The following NCAM1 variants were observed in gnomAD, a reference collection of about 807,000 sequenced individuals.
NCAM1 encodes the protein neural cell adhesion molecule 1, also known as antigen recognized by monoclonal antibody 5.1H11.
A neutral mutation model predicts 109.8 loss-of-function variants in NCAM1; 14 were observed. The observed-to-expected ratio is 0.13, with a 90% confidence interval of 0.08 to 0.20. The LOEUF is 0.20. NCAM1 is among the 10% of genes least tolerant of loss of function. NCAM1 has a pLI of 1.00. For missense variants in NCAM1, 774 were observed against 1,109.9 expected (o/e 0.70, Z 4.30); for synonymous variants, 418 against 442.9 (o/e 0.94, Z 0.70).
chr11:113,121,225 C>CT (rs3051885), intron 1 of NCAM1, among the ~76,000 whole-genome samples: 18,741 of 125,126 alleles, frequency 0.15, 1,993 homozygotes, highest in East Asian at 0.37. Flanking sequence ...CAACACCAAT[C>CT]TTTTTTTTTT....
At chr11:113,235,676 G>C (rs1220899045) in intron 14 of NCAM1, among the ~76,000 whole-genome samples, 3 of 152,186 alleles carry the variant, frequency 2.0e-5, no homozygotes, top group Admixed American at 1.3e-4. Context: ...AAAGCCAAGG[G>C]GAAGAGGTAG....
At chr11:113,171,804 T>C (rs1943004599) in intron 1 of NCAM1, among the ~76,000 whole-genome samples, 1 of 152,236 alleles carries the variant, frequency 6.6e-6, no homozygotes, top group Non-Finnish European at 1.5e-5. Flanking sequence ...AATTCCTATG[T>C]TGAAGTCCTA....
At chr11:113,259,256 T>G (rs1945915791) in intron 16 of NCAM1, among the ~76,000 whole-genome samples, 1 of 151,770 alleles carries the variant, frequency 6.6e-6, no homozygotes, top group African/African-American at 2.4e-5. Flanking sequence ...TTTCACCGTT[T>G]TAGCCGGGAT....
intron 1 of NCAM1, among the ~76,000 whole-genome samples, chr11:113,039,961 C>T (rs868957417): frequency 3.4e-4 from 52 of 151,866 alleles, no homozygotes; most frequent in African/African-American, 1.2e-3. Context: ...GCCAACATGG[C>T]GAAACCCCAT....
chr11:113,174,300 T>C (rs1943083134), intron 1 of NCAM1, among the ~76,000 whole-genome samples: 1 of 152,182 alleles, frequency 6.6e-6, no homozygotes, highest in Admixed American at 6.5e-5. Flanking sequence ...TATTGACATT[T>C]CTCTTTCAGA....
chr11:113,248,802 A>G (rs1331686958), intron 15 of NCAM1, among the ~76,000 whole-genome samples: 1 of 152,210 alleles, frequency 6.6e-6, no homozygotes, highest in Non-Finnish European at 1.5e-5. Flanking sequence ...CCTATCCTTT[A>G]TGGTTACTTG....
chr11:112,971,741 C>T lies in NCAM1; in HGVS notation c.52+10077C>T, dbSNP rs144958011. Among the ~76,000 whole-genome samples the T allele has an allele frequency of 4.7e-3, 721 of 152,226 alleles. 1 individual carries two copies. The highest frequency in any genetic ancestry group is 0.011 in the African/African-American group (446 of 41,544). ...AACTGGGAATACCAGGTAGCATCTA[C>T]AGCCAAAATATGAGGCACTTAATGT... On this transcript the variant is annotated intron_variant, in intron 1 of 19. Coordinates refer to ENST00000316851, the MANE Select transcript of NCAM1 (RefSeq NM_181351.5).
At chr11:113,149,602 C>T (rs1942151395) in intron 1 of NCAM1, among the ~76,000 whole-genome samples, 1 of 151,388 alleles carries the variant, frequency 6.6e-6, no homozygotes, top group Admixed American at 6.6e-5. Flanking sequence ...TTCTATTTCC[C>T]TCTCTGTCTC....
chr11:113,121,537 C>CAAA (rs3051887), intron 1 of NCAM1, among the ~76,000 whole-genome samples: 50,161 of 92,130 alleles, frequency 0.54, 15,114 homozygotes, highest in Middle Eastern at 0.69. Flanking sequence ...ACCAATCTTA[C>CAAA]AAAAAAAAAA....
Position 113,275,514 on chromosome 11 carries a change from C to A in NCAM1, c.*127C>A. On this transcript the variant is annotated 3_prime_UTR_variant, in exon 20 of 20. Transcript: ENST00000316851. ...AACACACATGCACACACACACATCT[C>A]ATTTCTCTAGTGTCTTTTGCCTTTA... 2.6e-6 allele frequency: 3 copies of A among 1,172,626 alleles called. No individual in the cohort carries two copies. Among genetic ancestry groups the A allele is most frequent in the South Asian group, 1.7e-5 (1 of 59,200 alleles). 72.6% of individuals were successfully genotyped at this position (1,172,626 alleles called of 1,614,324 possible). A position where few individuals can be genotyped will look rare whatever the true frequency, so the allele number is the denominator to read the frequency against.
At chr11:113,190,211 C>T (rs990980175) in intron 1 of NCAM1, among the ~76,000 whole-genome samples, 7 of 152,234 alleles carry the variant, frequency 4.6e-5, no homozygotes, top group East Asian at 1.9e-4. Flanking sequence ...GGTAGAAGTA[C>T]GAAGAATGAA....
At chr11:113,214,254 A>T in intron 7 of NCAM1, 115 bp from the exon 8 acceptor site, 1 of 1,094,634 alleles carries the variant, frequency 9.1e-7, no homozygotes, top group Non-Finnish European at 1.3e-6. Flanking sequence ...AAACACCTAG[A>T]CTAGGGTCTT....
At chr11:113,238,718 T>C (rs1423682659) in intron 14 of NCAM1, among the ~76,000 whole-genome samples, 1 of 152,170 alleles carries the variant, frequency 6.6e-6, no homozygotes. Context: ...ACCAGTGGCA[T>C]TGGTTTCTGA....
Position 113,123,627 on chromosome 11 carries a change from G to A in NCAM1, c.53-78752G>A, listed in dbSNP as rs1490799936. ...CTGGTGGTGGGTGCCTGCCAGGTGG[G>A]AGACATCCAAATACTGGCCTTTTCA... On this transcript the variant is annotated intron_variant, in intron 1 of 19. Coordinates refer to ENST00000316851, the MANE Select transcript of NCAM1 (RefSeq NM_181351.5). 2.6e-5 allele frequency among the ~76,000 whole-genome samples: 4 copies of A among 152,184 alleles called. No homozygotes were observed. The East Asian group carries it at 7.7e-4, about 29-fold the overall frequency.
chr11:113,195,360 A>C lies in NCAM1; in HGVS notation c.53-7019A>C, dbSNP rs577195584. Among the ~76,000 whole-genome samples, 352 of 152,134 alleles carry C rather than the reference A, an allele frequency of 2.3e-3. 10 individuals carry two copies. Among genetic ancestry groups the C allele is most frequent in the South Asian group, 0.022 (106 of 4,812 alleles). On this transcript the variant is annotated intron_variant, in intron 1 of 19. Transcript: ENST00000316851. ...TCCAGCTATTTCTTGCAACAATATCAACCTGACAAGTTCCATTATTCTATT... is the reference window on the plus strand; with the variant it reads ...TCCAGCTATTTCTTGCAACAATATCCACCTGACAAGTTCCATTATTCTATT...
chr11:113,207,432 C>T lies in NCAM1; in HGVS notation c.746+54C>T, dbSNP rs180883651. ...TGGACTAGAGGAGAATGGGGCATCA[C>T]AAAGTCTGCTCCATGTTAGTGTCTG... On this transcript the variant is annotated intron_variant, in intron 6 of 19. Coordinates refer to ENST00000316851, the MANE Select transcript of NCAM1 (RefSeq NM_181351.5). 4,936 of 1,425,462 alleles carry T rather than the reference C, an allele frequency of 3.5e-3. 78 individuals carry two copies. Among genetic ancestry groups the T allele is most frequent in the South Asian group, 0.026 (2,235 of 86,028 alleles). The allele number at this position is 1,425,462 out of a possible 1,614,324, so 88.3% of individuals were successfully genotyped here. A position where few individuals can be genotyped will look rare whatever the true frequency, so the allele number is the denominator to read the frequency against.
chr11:113,123,565 CT>C (rs1280839412), intron 1 of NCAM1, among the ~76,000 whole-genome samples: 2 of 152,200 alleles, frequency 1.3e-5, no homozygotes, highest in Admixed American at 1.3e-4. Context: ...CTGCCATCCT[CT>C]CTCTGGAGAT....
chr11:113,188,247 T>C (rs2136678405), intron 1 of NCAM1, among the ~76,000 whole-genome samples: 1 of 152,312 alleles, frequency 6.6e-6, no homozygotes, highest in Admixed American at 6.5e-5. Context: ...CAGCCCATTT[T>C]ATCACCATCG....
chr11:113,217,522 A>T (rs1454687535), intron 8 of NCAM1, among the ~76,000 whole-genome samples: 1 of 151,434 alleles, frequency 6.6e-6, no homozygotes, highest in African/African-American at 2.4e-5. Flanking sequence ...TGCTGTGCTC[A>T]GTGTAATTAA....
Sources: gnomAD v4.1 joint callset for allele counts (sites outside exome capture counted in the v4.1 genomes callset) on GRCh38, gnomAD v4.1.1 for gene constraint, MANE v1.5 for transcripts, NCBI Gene and HGNC (gene_info 2026-07-23, HGNC 2026-07-21) for gene names.